ARHGAP26: variants seen among roughly 807,000 people sequenced by gnomAD.
ARHGAP26 encodes the protein rho GTPase-activating protein 26.
A neutral mutation model predicts 104.8 loss-of-function variants in ARHGAP26; 38 were observed. The observed-to-expected ratio is 0.36, with a 90% confidence interval of 0.28 to 0.48. The LOEUF is 0.48. ARHGAP26 is among the 20% of genes least tolerant of loss of function. The pLI is 0.99. For synonymous variants in ARHGAP26, 341 were observed against 340.0 expected, an observed-to-expected ratio of 1.00 and a Z score of -0.03; for missense variants, 704 against 947.9, an observed-to-expected ratio of 0.74 and a Z score of 3.38.
At chr5:142,929,143 T>C (rs1764354209) in intron 10 of ARHGAP26, among the ~76,000 whole-genome samples, 2 of 152,200 alleles carry the variant, frequency 1.3e-5, no homozygotes, top group Non-Finnish European at 2.9e-5. Flanking sequence ...TTCACTATGT[T>C]GGCCAGGATT....
At chr5:143,109,429 A>G (rs1402342129) in intron 17 of ARHGAP26, among the ~76,000 whole-genome samples, 2 of 151,522 alleles carry the variant, frequency 1.3e-5, no homozygotes, top group Non-Finnish European at 2.9e-5. Flanking sequence ...TAAAGTTCTT[A>G]TCTCTTTTTG....
intron 1 of ARHGAP26, chr5:142,771,193 G>T: frequency 7.8e-7 from 1 of 1,285,326 alleles, no homozygotes; most frequent in Non-Finnish European, 9.8e-7. Flanking sequence ...GGGCGTGGGC[G>T]TGCGCGGCAC....
intron 14 of ARHGAP26, among the ~76,000 whole-genome samples, chr5:143,042,994 G>A (rs1299806507): frequency 3.9e-5 from 6 of 152,176 alleles, no homozygotes; most frequent in Non-Finnish European, 8.8e-5. Flanking sequence ...TTCATTTTGA[G>A]ATAATTGTAG....
In ARHGAP26 at chr5:143,228,655, GATATA is replaced by G. The variant is rs1298058411; in HGVS notation, c.*6214_*6218del. 4 of 209,406 alleles carry G rather than the reference GATATA, an allele frequency of 1.9e-5. No homozygotes were observed. Among genetic ancestry groups the G allele is most frequent in the African/African-American group, 6.8e-5 (3 of 44,044 alleles). 13.0% of individuals were successfully genotyped at this position (209,406 alleles called of 1,614,324 possible). A position where few individuals can be genotyped will look rare whatever the true frequency, so the allele number is the denominator to read the frequency against. On this transcript the variant is annotated 3_prime_UTR_variant, in exon 23 of 23. Transcript: ENST00000645722. ...TTGAGTATACTGTAAAGTGCTGTGT[GATATA>G]ATATCAATAAAGTACTTATTAAATG...
At chr5:142,889,716 G>C (rs1339390655) in intron 5 of ARHGAP26, among the ~76,000 whole-genome samples, 1 of 152,110 alleles carries the variant, frequency 6.6e-6, no homozygotes, top group African/African-American at 2.4e-5. Flanking sequence ...CTCCTAAAGA[G>C]GTAACATTTA....
intron 10 of ARHGAP26, among the ~76,000 whole-genome samples, chr5:142,922,404 G>T (rs948198266): frequency 1.1e-4 from 16 of 148,712 alleles, no homozygotes; most frequent in African/African-American, 4.1e-4. Flanking sequence ...TATACACCTT[G>T]TATACATTGA....
chr5:143,045,135 C>G (rs1044412409), intron 14 of ARHGAP26, among the ~76,000 whole-genome samples: 10 of 152,196 alleles, frequency 6.6e-5, no homozygotes, highest in African/African-American at 2.2e-4. Flanking sequence ...GTGGCCTTCA[C>G]ACAAGATATT....
chr5:142,832,542 G>T lies in ARHGAP26; in HGVS notation c.155-40858G>T, dbSNP rs921478663. On this transcript the variant is annotated intron_variant, in intron 1 of 22. Coordinates refer to ENST00000645722, the MANE Select transcript of ARHGAP26 (RefSeq NM_001135608.3). ...AGAAAATAAAGTTCTTTTTCTTATG[G>T]CAGCTCAAGCTGACTAATACAAATA... 1.4e-4 allele frequency among the ~76,000 whole-genome samples: 21 copies of T among 152,208 alleles called. 1 individual carries two copies. Among genetic ancestry groups the T allele is most frequent in the Non-Finnish European group, 1.3e-4 (9 of 68,042 alleles).
rs1811368618 is a variant in ARHGAP26 at position 143,222,835 on chromosome 5, G to C, written c.*389G>C. The stretch of plus-strand genomic sequence containing the variant: ...ACACTGTGTAGCTAAGCCTGCTGGG[G>C]CTGGGTGAAGAAATTGGCGCTGAGA... On this transcript the variant is annotated 3_prime_UTR_variant, in exon 23 of 23. Transcript: ENST00000645722. 4.3e-6 allele frequency: 1 copy of C among 235,116 alleles called. No homozygotes were observed. The highest frequency in any genetic ancestry group is 1.8e-4 in the South Asian group (1 of 5,552). The allele number at this position is 235,116 out of a possible 1,614,324, so 14.6% of individuals were successfully genotyped here.
intron 19 of ARHGAP26, among the ~76,000 whole-genome samples, chr5:143,134,333 C>A (rs945633700): frequency 6.6e-6 from 1 of 152,200 alleles, no homozygotes; most frequent in Non-Finnish European, 1.5e-5. Context: ...GATTCTCTTT[C>A]CAGATCACCT....
chr5:143,113,772 G>A (rs1257057782), intron 17 of ARHGAP26, among the ~76,000 whole-genome samples: 1 of 152,198 alleles, frequency 6.6e-6, no homozygotes, highest in Non-Finnish European at 1.5e-5. Context: ...AGTGATTTGT[G>A]AAGTGAATGA....
At position 143,207,573 on chromosome 5, in the gene ARHGAP26, A is replaced by G. The variant is rs1256953780; in HGVS notation, c.2099+265A>G. 9.1e-6 allele frequency: 13 copies of G among 1,422,894 alleles called. No individual in the cohort carries two copies. In the Admixed American group the frequency reaches 2.5e-4, roughly 28 times the overall value. The allele number at this position is 1,422,894 out of a possible 1,614,324, so 88.1% of individuals were successfully genotyped here. ...CTCTCCTGTGGTTCCATCCTAAGAG[A>G]CCAGAGCTAAAAGGGACCATTTGCA... is the stretch of plus-strand genomic sequence containing the variant. On this transcript the variant is annotated intron_variant, in intron 21 of 22. Transcript: ENST00000645722.
intron 1 of ARHGAP26, among the ~76,000 whole-genome samples, chr5:142,791,745 C>A (rs956339473): frequency 6.6e-6 from 1 of 152,022 alleles, no homozygotes; most frequent in Admixed American, 6.5e-5. Context: ...GGGTGGATCA[C>A]CTGAGGTCAG....
chr5:143,121,245 A>T (rs1216501502), intron 18 of ARHGAP26, 98 bp downstream of exon 18: 1 of 1,199,564 alleles, frequency 8.3e-7, no homozygotes, highest in Admixed American at 2.2e-5. Flanking sequence ...ATTGCTAATC[A>T]CTCTTACACT....
At chr5:142,984,117 A>C (rs1774337328) in intron 11 of ARHGAP26, among the ~76,000 whole-genome samples, 1 of 152,208 alleles carries the variant, frequency 6.6e-6, no homozygotes, top group Non-Finnish European at 1.5e-5. Flanking sequence ...TCTTCCTTGT[A>C]GGCTGCTGCA....
At chr5:142,770,993 G>T in intron 1 of ARHGAP26, 78 bp downstream of exon 1, 2 of 1,485,724 alleles carry the variant, frequency 1.3e-6, no homozygotes, top group South Asian at 1.3e-5. Flanking sequence ...CGGGTTGCCC[G>T]CGCGTCTGCC....
chr5:142,875,013 C>T, intron 2 of ARHGAP26, 97 bp from the exon 3 acceptor site: 7 of 1,014,694 alleles, frequency 6.9e-6, no homozygotes, highest in South Asian at 6.7e-5. Context: ...CTGTATGTGC[C>T]AAGGAATTAA....
Position 143,094,485 on chromosome 5 carries a change from G to A in ARHGAP26, c.1539-26503G>A, listed in dbSNP as rs145630322. 3.9e-3 allele frequency among the ~76,000 whole-genome samples: 589 copies of A among 152,320 alleles called. 17 individuals are homozygous for A. In the East Asian group the frequency reaches 0.078, roughly 20 times the overall value. On this transcript the variant is annotated intron_variant, in intron 17 of 22. Transcript: ENST00000645722. ...CCAGAGACCGCCCCCAGAGGGGAAC[G>A]TAATCCCAGAGCAGCCCCTAATTGT...
rs556098708 is a variant in ARHGAP26, at chr5:143,147,426, G to A, written c.1988+45G>A. 3 of 1,584,238 alleles carry A rather than the reference G, an allele frequency of 1.9e-6. No individual in the cohort carries two copies. In the African/African-American group the frequency reaches 4.1e-5, roughly 21 times the overall value. ...GCCTACCCCACAAGGGCTTTGGTCA[G>A]CCATTCCACCTAGAATTTGCTGTCT... On this transcript the variant is annotated intron_variant, in intron 20 of 22. Coordinates refer to ENST00000645722, the MANE Select transcript of ARHGAP26 (RefSeq NM_001135608.3).
Sources: allele counts gnomAD v4.1 joint callset (sites outside exome capture counted in the v4.1 genomes callset), GRCh38; gene constraint gnomAD v4.1.1; transcripts MANE v1.5; gene names NCBI Gene and HGNC (gene_info 2026-07-23, HGNC 2026-07-21).